The following RAD51B variants were observed in gnomAD, a reference collection of about 807,000 sequenced individuals.
The protein encoded by RAD51B is DNA repair protein RAD51 homolog 2.
In RAD51B, 38 loss-of-function variants were observed where a neutral mutation model predicts 42.2. That is an observed-to-expected ratio of 0.90 (90% CI 0.70 to 1.18). RAD51B has a LOEUF of 1.18. RAD51B is among the 50% of genes most tolerant of loss of function. The pLI is 0.00. For missense variants in RAD51B, 373 were observed against 400.7 expected (o/e 0.93, Z 0.59); for synonymous variants, 154 against 145.2 (o/e 1.06, Z -0.43).
At position 68,005,743 on chromosome 14, in the gene RAD51B, A is replaced by T. The variant is rs576591503; in HGVS notation, c.756+118539A>T. ...TTGTATAATTTTGGTGAAGTGATGT[A>T]TTGCTTCTCGACATGCTATAAAGAA... is the stretch of plus-strand genomic sequence containing the variant. On this transcript the variant is annotated intron_variant, in intron 7 of 10. Transcript: ENST00000471583. Among the ~76,000 whole-genome samples the T allele has an allele frequency of 5.9e-5, 9 of 152,284 alleles. No homozygotes were observed. The South Asian group carries it at 1.9e-3, about 32-fold the overall frequency.
intron 7 of RAD51B, among the ~76,000 whole-genome samples, chr14:68,183,074 AGG>A (rs2079085241): frequency 6.6e-6 from 1 of 152,124 alleles, no homozygotes; most frequent in African/African-American, 2.4e-5. Flanking sequence ...GGTTCTCTAG[AGG>A]GGTAGAACTA....
At chr14:68,320,015 G>T (rs1361186767) in intron 8 of RAD51B, among the ~76,000 whole-genome samples, 1 of 152,128 alleles carries the variant, frequency 6.6e-6, no homozygotes, top group Non-Finnish European at 1.5e-5. Context: ...GCAGAAGTGG[G>T]ATAAGCATTC....
chr14:68,360,689 C>A (rs1237513712), intron 8 of RAD51B, among the ~76,000 whole-genome samples: 1 of 152,196 alleles, frequency 6.6e-6, no homozygotes, highest in Non-Finnish European at 1.5e-5. Flanking sequence ...ACAGCTGACA[C>A]CCCTTTAACA....
rs1401629237 is a variant in RAD51B at position 68,235,724 on chromosome 14, AAAAAAAAAGAG to A, written c.757-56159_757-56149del. Reference sequence around the variant, plus strand: ...GTCTCAAAAAAAAAAAAAAAAAAAAAAAAAAAAAGAGCTGAGATCTTACCTGCGTGCATGTG... The same window carrying A: ...GTCTCAAAAAAAAAAAAAAAAAAAAACTGAGATCTTACCTGCGTGCATGTG... On this transcript the variant is annotated intron_variant, in intron 7 of 10. Transcript: ENST00000471583. Among the ~76,000 whole-genome samples the A allele has an allele frequency of 2.9e-3, 435 of 149,806 alleles. 3 individuals are homozygous for A. The highest frequency in any genetic ancestry group is 9.9e-3 in the African/African-American group (405 of 40,850).
intron 7 of RAD51B, among the ~76,000 whole-genome samples, chr14:68,040,830 A>G (rs569477423): frequency 1.3e-5 from 2 of 152,320 alleles, no homozygotes; most frequent in East Asian, 3.9e-4. Flanking sequence ...GACCTCCTGA[A>G]TCAGAATCTG....
intron 7 of RAD51B, among the ~76,000 whole-genome samples, chr14:68,277,341 G>A (rs1457799164): frequency 6.6e-6 from 1 of 152,158 alleles, no homozygotes; most frequent in African/African-American, 2.4e-5. Flanking sequence ...TTCACAAGCA[G>A]CTCATCCTTA....
At chr14:68,092,923 T>C (rs2077126266) in intron 7 of RAD51B, among the ~76,000 whole-genome samples, 1 of 151,192 alleles carries the variant, frequency 6.6e-6, no homozygotes, top group East Asian at 1.9e-4. Context: ...TCGTTGAATT[T>C]TGTCAAAGGC....
At chr14:68,521,721 C>T (rs1277112107) in intron 10 of RAD51B, among the ~76,000 whole-genome samples, 3 of 152,190 alleles carry the variant, frequency 2.0e-5, no homozygotes, top group Non-Finnish European at 4.4e-5. Flanking sequence ...TGCACTGTTC[C>T]TGCAGCAGCT....
At chr14:68,542,470 A>G (rs921021886) in intron 10 of RAD51B, among the ~76,000 whole-genome samples, 7 of 152,206 alleles carry the variant, frequency 4.6e-5, no homozygotes, top group African/African-American at 1.2e-4. Flanking sequence ...GATAATATCC[A>G]TAATCCAATG....
intron 8 of RAD51B, among the ~76,000 whole-genome samples, chr14:68,298,763 T>C (rs1436419702): frequency 6.6e-6 from 1 of 152,178 alleles, no homozygotes; most frequent in Non-Finnish European, 1.5e-5. Flanking sequence ...AAGGACTCTC[T>C]GAGAAGAGAT....
At chr14:68,419,427 A>AG (rs1304983922) in intron 9 of RAD51B, among the ~76,000 whole-genome samples, 1 of 114,864 alleles carries the variant, frequency 8.7e-6, no homozygotes, top group East Asian at 2.8e-4. Context: ...AGAACTGTGC[A>AG]GGAAAAAAAA....
intron 8 of RAD51B, among the ~76,000 whole-genome samples, chr14:68,346,608 T>C (rs377042572): frequency 6.6e-6 from 1 of 152,216 alleles, no homozygotes; most frequent in Non-Finnish European, 1.5e-5. Context: ...CCCTCTTCTG[T>C]AGCATGTCCA....
intron 8 of RAD51B, among the ~76,000 whole-genome samples, chr14:68,315,479 C>CAT (rs1482592906): frequency 6.6e-6 from 1 of 152,120 alleles, no homozygotes; most frequent in Non-Finnish European, 1.5e-5. Flanking sequence ...GGTCTGCCAG[C>CAT]ATTAGCAGCT....
intron 8 of RAD51B, among the ~76,000 whole-genome samples, chr14:68,401,577 G>A (rs116801770): frequency 1.7e-3 from 255 of 152,238 alleles, no homozygotes; most frequent in African/African-American, 6.0e-3. Flanking sequence ...ACTTGCATCA[G>A]CCTAGGTATG....
intron 4 of RAD51B, among the ~76,000 whole-genome samples, chr14:67,835,707 C>A (rs946078147): frequency 2.0e-5 from 3 of 151,080 alleles, no homozygotes; most frequent in East Asian, 3.9e-4. Context: ...ATAAAAAAAA[C>A]CCAGAAACCA....
chr14:68,519,852 T>C (rs1305102576), intron 10 of RAD51B, among the ~76,000 whole-genome samples: 1 of 152,166 alleles, frequency 6.6e-6, no homozygotes, highest in Non-Finnish European at 1.5e-5. Context: ...AGCAAAGACC[T>C]TGTTGACTTC....
intron 10 of RAD51B, chr14:68,541,893 T>C (rs1887987258): frequency 2.1e-6 from 2 of 935,168 alleles, no homozygotes; most frequent in Admixed American, 6.2e-5. Context: ...GAGATCCCCA[T>C]TGGTCCTCTA....
At chr14:67,918,996 G>C (rs1404771725) in intron 7 of RAD51B, among the ~76,000 whole-genome samples, 1 of 152,190 alleles carries the variant, frequency 6.6e-6, no homozygotes, top group Non-Finnish European at 1.5e-5. Flanking sequence ...TTTGCAAGAT[G>C]ATGGTGAACA....
At chr14:68,559,982 G>A (rs2140015410) in intron 10 of RAD51B, among the ~76,000 whole-genome samples, 1 of 152,276 alleles carries the variant, frequency 6.6e-6, no homozygotes, top group South Asian at 2.1e-4. Flanking sequence ...TCCTGAAGTG[G>A]CTTGTCCAAG....
Sources: allele counts gnomAD v4.1 joint callset (sites outside exome capture counted in the v4.1 genomes callset), GRCh38; gene constraint gnomAD v4.1.1; transcripts MANE v1.5; gene names NCBI Gene and HGNC (gene_info 2026-07-23, HGNC 2026-07-21).